The following ABCG2 variants were observed in gnomAD, a reference collection of about 807,000 sequenced individuals.
ABCG2 encodes ATP binding cassette subfamily G member 2 (JR blood group).
ABCG2 carries 80 observed loss-of-function variants against 73.5 expected under a neutral mutation model. The ratio of observed to expected loss-of-function variants is 1.09; its 90% CI spans 0.91 to 1.31. ABCG2 has a LOEUF of 1.31. ABCG2 is among the 50% of genes most tolerant of loss of function. ABCG2 has a pLI of 0.00. For missense variants in ABCG2, 796 were observed against 786.2 expected (o/e 1.01, Z -0.15); for synonymous variants, 269 against 282.4 (o/e 0.95, Z 0.48).
At chr4:88,185,519 C>T (rs962818231) in intron 1 of ABCG2, among the ~76,000 whole-genome samples, 4 of 152,090 alleles carry the variant, frequency 2.6e-5, no homozygotes, top group Non-Finnish European at 5.9e-5. Context: ...AAGTTAAAAA[C>T]TTCTGCACAG....
intron 1 of ABCG2, among the ~76,000 whole-genome samples, chr4:88,152,813 G>GGA (rs1245257824): frequency 6.6e-6 from 1 of 152,098 alleles, no homozygotes; most frequent in Admixed American, 6.6e-5. Context: ...GGGGTGGTAT[G>GGA]GAGAGAGAAT....
At chr4:88,142,031 C>T (rs1021978712) in intron 1 of ABCG2, among the ~76,000 whole-genome samples, 1 of 151,834 alleles carries the variant, frequency 6.6e-6, no homozygotes, top group Non-Finnish European at 1.5e-5. Context: ...AAGACTAGTA[C>T]ACAGAAAACA....
chr4:88,154,748 G>A (rs1182178811), intron 1 of ABCG2, among the ~76,000 whole-genome samples: 2 of 152,006 alleles, frequency 1.3e-5, no homozygotes, highest in African/African-American at 4.8e-5. Context: ...TGTGGGAGAC[G>A]CAACAAAGAG....
upstream of ABCG2, chr4:88,158,686 C>A: frequency 2.2e-6 from 1 of 456,020 alleles, no homozygotes; most frequent in Non-Finnish European, 4.4e-6. Context: ...GGGCACAGCA[C>A]GCAGCCCGCG....
chr4:88,228,723 C>G (rs951265092), intron 1 of ABCG2, among the ~76,000 whole-genome samples: 7 of 152,156 alleles, frequency 4.6e-5, no homozygotes, highest in African/African-American at 1.4e-4. Context: ...TGTAAACGCA[C>G]CAATCAGCAC....
At chr4:88,128,276 A>G (rs989432835) in intron 5 of ABCG2, among the ~76,000 whole-genome samples, 3 of 152,206 alleles carry the variant, frequency 2.0e-5, no homozygotes, top group East Asian at 1.9e-4. Flanking sequence ...GAAACAACAG[A>G]TGCTGGAGAG....
chr4:88,144,449 CTTTTTT>C (rs59434855), intron 1 of ABCG2, among the ~76,000 whole-genome samples: 22 of 77,600 alleles, frequency 2.8e-4, no homozygotes, highest in Admixed American at 9.6e-4. Context: ...CACATTTTTA[CTTTTTT>C]TTTTTTTTTT....
chr4:88,171,429 A>G (rs1031386076), intron 1 of ABCG2, among the ~76,000 whole-genome samples: 2 of 106,838 alleles, frequency 1.9e-5, no homozygotes, highest in African/African-American at 7.9e-5. Context: ...AACATTGTAA[A>G]TGAAGAATTT....
intron 8 of ABCG2, 38 bp downstream of exon 8, chr4:88,114,919 A>G (rs368117780): frequency 7.1e-5 from 105 of 1,477,136 alleles, no homozygotes; most frequent in Admixed American, 4.6e-4. Context: ...AGCCAATTCA[A>G]TTAGGCAAAA....
chr4:88,206,618 A>G (rs1729391149), intron 1 of ABCG2: 1 of 151,982 alleles, frequency 6.6e-6, no homozygotes, highest in Admixed American at 6.6e-5. Flanking sequence ...TCTCACTTCC[A>G]TCCTTCGTTC....
chr4:88,206,903 G>A (rs766302083), intron 1 of ABCG2, among the ~76,000 whole-genome samples: 4 of 152,064 alleles, frequency 2.6e-5, no homozygotes, highest in South Asian at 2.1e-4. Context: ...AGTTCCCCAA[G>A]TCCCCACCCG....
chr4:88,219,576 A>ATTTTTTTT (rs5860122), intron 1 of ABCG2, among the ~76,000 whole-genome samples: 11 of 90,892 alleles, frequency 1.2e-4, no homozygotes, highest in Non-Finnish European at 1.4e-4. Flanking sequence ...TACCATTCAA[A>ATTTTTTTT]TTTTTTTTTT....
chr4:88,158,096 T>A (rs1727073938), intron 1 of ABCG2, among the ~76,000 whole-genome samples: 1 of 152,190 alleles, frequency 6.6e-6, no homozygotes, highest in African/African-American at 2.4e-5. Flanking sequence ...ATCCTTCCAA[T>A]ATCAACTTTA....
chr4:88,152,680 G>T (rs1221991537), intron 1 of ABCG2, among the ~76,000 whole-genome samples: 1 of 152,164 alleles, frequency 6.6e-6, no homozygotes, highest in Non-Finnish European at 1.5e-5. Context: ...ATGTATATGT[G>T]CAGGTCACAG....
At chr4:88,170,423 C>T (rs1436402373) in intron 1 of ABCG2, among the ~76,000 whole-genome samples, 4 of 152,200 alleles carry the variant, frequency 2.6e-5, no homozygotes, top group South Asian at 2.1e-4. Context: ...TCTTCCCAGC[C>T]GGAGATGACT....
At chr4:88,221,200 C>T (rs1379896597) in intron 1 of ABCG2, among the ~76,000 whole-genome samples, 1 of 152,012 alleles carries the variant, frequency 6.6e-6, no homozygotes, top group African/African-American at 2.4e-5. Flanking sequence ...ACCTGGGAGG[C>T]AGAGGTTGTA....
intron 1 of ABCG2, among the ~76,000 whole-genome samples, chr4:88,164,767 AT>A (rs1394792378): frequency 6.6e-6 from 1 of 151,998 alleles, no homozygotes. Context: ...AGGTAAATGG[AT>A]TTTTTGTTGT....
At chr4:88,097,654 C>T (rs574747553) in intron 12 of ABCG2, 47 bp from the exon 13 acceptor site, 14 of 1,589,850 alleles carry the variant, frequency 8.8e-6, no homozygotes, top group Middle Eastern at 1.7e-4. Flanking sequence ...CCTAGGTCAC[C>T]GTATGTTTGG....
chr4:88,170,764 T>C (rs1165175296), intron 1 of ABCG2, among the ~76,000 whole-genome samples: 1 of 152,260 alleles, frequency 6.6e-6, no homozygotes, highest in Non-Finnish European at 1.5e-5. Context: ...TTTGTCTTCA[T>C]TCCACAGGCA....
Sources: allele counts gnomAD v4.1 joint callset (sites outside exome capture counted in the v4.1 genomes callset), GRCh38; gene constraint gnomAD v4.1.1; transcripts MANE v1.5; gene names NCBI Gene and HGNC (gene_info 2026-07-23, HGNC 2026-07-21).